COL11A2: variants seen among roughly 807,000 people sequenced by gnomAD.
COL11A2 encodes collagen type XI alpha 2 chain, also known as collagen alpha-2(XI) chain.
A neutral mutation model predicts 273.4 loss-of-function variants in COL11A2; 116 were observed. That is an observed-to-expected ratio of 0.42 (90% CI 0.36 to 0.49). COL11A2 has a LOEUF of 0.49. COL11A2 is among the 20% of genes least tolerant of loss of function. COL11A2 has a pLI of 0.00. For missense variants in COL11A2, 1,866 were observed against 2,309.0 expected, an observed-to-expected ratio of 0.81 and a Z score of 3.93; for synonymous variants, 782 against 864.2, an observed-to-expected ratio of 0.90 and a Z score of 1.67.
chr6:33,192,972 G>T (rs1050456996), upstream of COL11A2, among the ~76,000 whole-genome samples: 1 of 152,190 alleles, frequency 6.6e-6, no homozygotes, highest in Admixed American at 6.5e-5. Flanking sequence ...TGGGGCGGGG[G>T]ATGTGGGGGA....
At chr6:33,182,000 C>T (rs1242649851) in intron 8 of COL11A2, among the ~76,000 whole-genome samples, 3 of 152,322 alleles carry the variant, frequency 2.0e-5, no homozygotes, top group South Asian at 4.1e-4. Flanking sequence ...CTAGGCCGGG[C>T]GAGGTGGCTT....
intron 8 of COL11A2, among the ~76,000 whole-genome samples, chr6:33,183,681 G>C (rs1226269238): frequency 6.6e-6 from 1 of 152,170 alleles, no homozygotes; most frequent in Non-Finnish European, 1.5e-5. Context: ...AGGCAGGAAG[G>C]GACAGATAAT....
chr6:33,179,512 G>A lies in COL11A2; in HGVS notation c.1447-25C>T. ...GCTAGGGGAGCAGGGGGACAGCAGA[G>A]CTGAGGGACAGGCAGTGGGAACCCC... On this transcript the variant is annotated intron_variant, in intron 13 of 65. Coordinates refer to ENST00000341947, the MANE Select transcript of COL11A2 (RefSeq NM_080680.3). The surrounding 1 kb of genome is among the most constrained non-coding windows in gnomAD (Gnocchi z 6.4). The A allele has an allele frequency of 2.6e-6, 4 of 1,550,604 alleles. No homozygotes were observed. The highest frequency in any genetic ancestry group is 3.5e-6 in the Non-Finnish European group (4 of 1,145,078).
Position 33,173,592 on chromosome 6 carries a change from G to T in COL11A2, c.2629-37C>A. 7.7e-6 allele frequency: 5 copies of T among 647,226 alleles called. No individual in the cohort carries two copies. Among genetic ancestry groups the T allele is most frequent in the Non-Finnish European group, 1.1e-5 (4 of 365,550 alleles). 40.1% of individuals were successfully genotyped at this position (647,226 alleles called of 1,614,324 possible). On this transcript the variant is annotated intron_variant, in intron 35 of 65. Transcript: ENST00000341947. The surrounding 1 kb of genome is among the most constrained non-coding windows in gnomAD (Gnocchi z 6.3). ...GGTGGGGGGAGTCAGGAGAATGGGGGCAGGGGCTGAGTGGGGGAACTCAGC... is the reference window on the plus strand; with the variant it reads ...GGTGGGGGGAGTCAGGAGAATGGGGTCAGGGGCTGAGTGGGGGAACTCAGC...
Position 33,177,855 on chromosome 6 carries a change from G to T in COL11A2, c.1873-149C>A. On this transcript the variant is annotated intron_variant, in intron 21 of 65. Coordinates refer to ENST00000341947, the MANE Select transcript of COL11A2 (RefSeq NM_080680.3). The surrounding 1 kb of genome is among the most constrained non-coding windows in gnomAD (Gnocchi z 5.9). ...CACAGCTGGCCCAGGCCTGCAGTGT[G>T]TGGGACTGTGGATCTGTGGGCTTGT... is the stretch of plus-strand genomic sequence containing the variant. 1.1e-6 allele frequency: 1 copy of T among 876,200 alleles called. No individual in the cohort carries two copies. The highest frequency in any genetic ancestry group is 1.9e-6 in the Non-Finnish European group (1 of 538,238). 54.3% of individuals were successfully genotyped at this position (876,200 alleles called of 1,614,324 possible).
At position 33,188,391 on chromosome 6, in the gene COL11A2, C is replaced by A; in HGVS notation, c.577G>T (p.Ala193Ser). The A allele has an allele frequency of 2.5e-6, 4 of 1,613,018 alleles. No homozygotes were observed. Among genetic ancestry groups the A allele is most frequent in the Non-Finnish European group, 3.4e-6 (4 of 1,180,030 alleles). ...LDTHGVIIFG[A>S]RILDEEVFEG... Reference sequence around the variant, plus strand: ...AAGACTTCTTCATCCAGAATACGGGCACCAAAGATGATCACTCCATGGGTG... The same window carrying A: ...AAGACTTCTTCATCCAGAATACGGGAACCAAAGATGATCACTCCATGGGTG... The change falls in exon 4 of 66, where the codon GCC becomes TCC. Residue 193 changes from alanine to serine, a missense_variant. Physicochemically the swap from Ala to Ser is moderately conservative, Grantham distance 99. Coordinates refer to ENST00000341947, the MANE Select transcript of COL11A2 (RefSeq NM_080680.3).
At position 33,189,199 on chromosome 6, in the gene COL11A2, A is replaced by T. The variant is rs1310366368; in HGVS notation, c.233-11T>A. ...CTTTGGGAAATCCTCCTAGTAACCGAGAGAGATACACACAGAGTGAGAGGC... is the reference window on the plus strand; with the variant it reads ...CTTTGGGAAATCCTCCTAGTAACCGTGAGAGATACACACAGAGTGAGAGGC... On this transcript the variant is annotated splice_polypyrimidine_tract_variant and intron_variant, in intron 2 of 65. Transcript: ENST00000341947. This position sits in a 1 kb window ranked among gnomAD's most constrained non-coding sequence, Gnocchi z 5.6. 1 of 1,613,566 alleles carries T rather than the reference A, an allele frequency of 6.2e-7. No homozygotes were observed. Among genetic ancestry groups the T allele is most frequent in the South Asian group, 1.1e-5 (1 of 91,042 alleles).
rs1562323601 is a variant in COL11A2 at position 33,169,890 on chromosome 6, A to G, written c.3637-6T>C. On this transcript the variant is annotated splice_polypyrimidine_tract_variant and splice_region_variant and intron_variant, in intron 49 of 65. Coordinates refer to ENST00000341947, the MANE Select transcript of COL11A2 (RefSeq NM_080680.3). The surrounding 1 kb of genome is among the most constrained non-coding windows in gnomAD (Gnocchi z 5.5). ...CCTGACTCTCCTGGTTCCCCCTGCA[A>G]AGAGATTAGAGTCAAAAACCTCCTC... is the stretch of plus-strand genomic sequence containing the variant. The G allele has an allele frequency of 6.2e-7, 1 of 1,614,070 alleles. No individual in the cohort carries two copies. The highest frequency in any genetic ancestry group is 8.5e-7 in the Non-Finnish European group (1 of 1,180,004).
In COL11A2 at chr6:33,176,586, G is replaced by A; in HGVS notation, c.2116-100C>T. The A allele has an allele frequency of 7.1e-7, 1 of 1,409,000 alleles. No homozygotes were observed. Among genetic ancestry groups the A allele is most frequent in the Non-Finnish European group, 1.0e-6 (1 of 1,000,974 alleles). The allele number at this position is 1,409,000 out of a possible 1,614,324, so 87.3% of individuals were successfully genotyped here. ...TGGAAGTAACAACATTGCTGTCTGG[G>A]TAGGGTTACGGGGCACAGGAATTGA... On this transcript the variant is annotated intron_variant, in intron 26 of 65. Coordinates refer to ENST00000341947, the MANE Select transcript of COL11A2 (RefSeq NM_080680.3). This position sits in a 1 kb window ranked among gnomAD's most constrained non-coding sequence, Gnocchi z 4.9.
At position 33,184,236 on chromosome 6, in the gene COL11A2, G is replaced by A. The variant is rs1453906678; in HGVS notation, c.1028C>T (p.Pro343Leu). Residue 343 changes from proline to leucine, a missense_variant, in exon 8 of 66, where the codon CCC becomes CTC. Physicochemically the swap from Pro to Leu is moderately conservative, Grantham distance 98 (BLOSUM62 -3). Coordinates refer to ENST00000341947, the MANE Select transcript of COL11A2 (RefSeq NM_080680.3). ...CCCATAGCCATAGGTGTAATCGTAG[G>A]GCCCTTCAGGGGGGTCTGTGCCACC... ...GEGGTDPPEG[P>L]YDYTYGYGDD... The A allele has an allele frequency of 7.3e-7, 1 of 1,367,528 alleles. No individual in the cohort carries two copies. The highest frequency in any genetic ancestry group is 1.5e-5 in the African/African-American group (1 of 67,722). The allele number at this position is 1,367,528 out of a possible 1,614,324, so 84.7% of individuals were successfully genotyped here. A position where few individuals can be genotyped will look rare whatever the true frequency, so the allele number is the denominator to read the frequency against.
In COL11A2 at chr6:33,163,701, C is replaced by G; in HGVS notation, c.5188G>C (p.Gly1730Arg). 2 of 1,612,978 alleles carry G rather than the reference C, an allele frequency of 1.2e-6. No homozygotes were observed. The highest frequency in any genetic ancestry group is 1.7e-6 in the Non-Finnish European group (2 of 1,179,996). The change falls in exon 66 of 66, where the codon GGG becomes CGG. Residue 1730 changes from glycine to arginine, a missense_variant. Coordinates refer to ENST00000341947, the MANE Select transcript of COL11A2 (RefSeq NM_080680.3). This position sits in a 1 kb window ranked among gnomAD's most constrained non-coding sequence, Gnocchi z 4.1. ...TCCTATCCCATGAAGCAGACAGGCC[C>G]CAGCAGCACCCCTCCCCGCCTCGGT... The part of the protein sequence containing the change: ...APPRRGGVLL[G>R]PVCFMG
rs749703090 is a variant in COL11A2, at chr6:33,164,287, C to T, written c.5050G>A (p.Glu1684Lys). The T allele has an allele frequency of 2.5e-6, 4 of 1,613,004 alleles. No individual in the cohort carries two copies. Among genetic ancestry groups the T allele is most frequent in the Non-Finnish European group, 2.5e-6 (3 of 1,180,010 alleles). ...LSPETSPYVK[E>K]FRDGCQTQQG... The stretch of plus-strand genomic sequence containing the variant: ...CCCACCTGGCAGCCATCTCTGAATT[C>T]TTTGACATAGGGGCTAGTCTCCGGG... The change falls in exon 65 of 66, where the codon GAA (glutamate) becomes AAA (lysine). Residue 1684 changes from glutamate to lysine, a missense_variant. By Grantham distance (56) the Glu-to-Lys change is moderately conservative. Coordinates refer to ENST00000341947, the MANE Select transcript of COL11A2 (RefSeq NM_080680.3). This position sits in a 1 kb window ranked among gnomAD's most constrained non-coding sequence, Gnocchi z 4.7.
intron 8 of COL11A2, among the ~76,000 whole-genome samples, chr6:33,183,785 G>A (rs757670532): frequency 6.6e-6 from 1 of 152,058 alleles, no homozygotes; most frequent in African/African-American, 2.4e-5. Flanking sequence ...AGAAATGATA[G>A]AGAAACACTG....
At chr6:33,172,999 A>C in intron 38 of COL11A2, 61 bp downstream of exon 38, 1 of 1,554,698 alleles carries the variant, frequency 6.4e-7, no homozygotes, top group Non-Finnish European at 8.9e-7. Flanking sequence ...GACCGAGAGA[A>C]GAGGGGCAGA....
At position 33,178,382 on chromosome 6, in the gene COL11A2, G is replaced by A; in HGVS notation, c.1774-30C>T. On this transcript the variant is annotated intron_variant, in intron 19 of 65. Transcript: ENST00000341947. The surrounding 1 kb of genome is among the most constrained non-coding windows in gnomAD (Gnocchi z 4.6). ...AGGAGGAGGACACGGTAAAGCTGCT[G>A]TGCCTTCTAGACCTCCCCTGCACCC... is the stretch of plus-strand genomic sequence containing the variant. 4 of 1,612,886 alleles carry A rather than the reference G, an allele frequency of 2.5e-6. No individual in the cohort carries two copies. Among genetic ancestry groups the A allele is most frequent in the Non-Finnish European group, 3.4e-6 (4 of 1,179,962 alleles).
chr6:33,165,761 C>T lies in COL11A2; in HGVS notation c.4538G>A (p.Arg1513Gln), dbSNP rs371674362. 2.2e-5 allele frequency: 35 copies of T among 1,612,744 alleles called. No homozygotes were observed. In the African/African-American group the frequency reaches 2.8e-4, roughly 13 times the overall value. The change falls in exon 63 of 66, where the codon CGG (arginine) becomes CAG (glutamine). Residue 1513 changes from arginine to glutamine, a missense_variant. Transcript: ENST00000341947. The surrounding 1 kb of genome is among the most constrained non-coding windows in gnomAD (Gnocchi z 7.7). ...CAGACGGCTTCCATCCACCGAGCGC[C>T]GAGTCTTCTTGGGCATCTGAATGGG... Reference protein sequence around the residue: ...PLPIQMPKKTRRSVDGSRLMQ... With the variant: ...PLPIQMPKKTQRSVDGSRLMQ...
Position 33,169,327 on chromosome 6 carries a change from C to T in COL11A2, c.3798+56G>A, listed in dbSNP as rs145820123. On this transcript the variant is annotated intron_variant, in intron 51 of 65. Transcript: ENST00000341947. This position sits in a 1 kb window ranked among gnomAD's most constrained non-coding sequence, Gnocchi z 5.5. ...CCTCCCTCACACACACCCATATTCC[C>T]AGGTCTGTCATTCACAGGGCCTGAG... The T allele has an allele frequency of 3.6e-4, 535 of 1,481,940 alleles. 1 individual carries two copies. The African/African-American group carries it at 6.3e-3, about 18-fold the overall frequency. The allele number at this position is 1,481,940 out of a possible 1,614,324, so 91.8% of individuals were successfully genotyped here.
At chr6:33,184,549 A>C (rs1019312200) in intron 7 of COL11A2, among the ~76,000 whole-genome samples, 7 of 152,222 alleles carry the variant, frequency 4.6e-5, no homozygotes, top group African/African-American at 1.7e-4. Flanking sequence ...TCCAGTGGGA[A>C]GAAGTGGTGG....
In COL11A2 at chr6:33,169,487, G is replaced by A; in HGVS notation, c.3694C>T (p.Pro1232Ser). Residue 1232 changes from proline to serine, a missense_variant, in exon 51 of 66, where the codon CCA (proline) becomes TCA (serine). By Grantham distance (74) the Pro-to-Ser change is moderately conservative. Coordinates refer to ENST00000341947, the MANE Select transcript of COL11A2 (RefSeq NM_080680.3). This position sits in a 1 kb window ranked among gnomAD's most constrained non-coding sequence, Gnocchi z 5.5. ...CCTTTCTCTCCACGTTCCCCGCGTG[G>A]ACCCTGCAGAACAAGCGGAGGACAC... ...GIQGEPGVKG[P>S]RGERGEKGES... 1.2e-6 allele frequency: 2 copies of A among 1,612,734 alleles called. No individual in the cohort carries two copies. Among genetic ancestry groups the A allele is most frequent in the Non-Finnish European group, 1.7e-6 (2 of 1,179,948 alleles).
Sources: gnomAD v4.1 joint callset for allele counts (sites outside exome capture counted in the v4.1 genomes callset) on GRCh38, gnomAD v4.1.1 for gene constraint, Gnocchi (gnomAD v3.1) non-coding constraint, MANE v1.5 for transcripts, NCBI Gene and HGNC (gene_info 2026-07-23, HGNC 2026-07-21) for gene names.